Variants in RALGPS1 observed in about 807,000 individuals in gnomAD.
The protein encoded by RALGPS1 is ras-specific guanine nucleotide-releasing factor RalGPS1.
A neutral mutation model predicts 78.8 loss-of-function variants in RALGPS1; 19 were observed. The observed-to-expected ratio is 0.24, with a 90% CI of 0.17 to 0.35. RALGPS1 has a LOEUF of 0.35. Ranked by LOEUF, RALGPS1 falls within the 10% of genes least tolerant of loss-of-function variation. The pLI, the probability that RALGPS1 is intolerant of heterozygous loss-of-function variation, is 1.00. For missense variants in RALGPS1, 454 were observed against 688.3 expected (o/e 0.66, Z 3.81); for synonymous variants, 228 against 256.3 (o/e 0.89, Z 1.06).
At chr9:126,969,586 A>G (rs900501119) in intron 3 of RALGPS1, among the ~76,000 whole-genome samples, 11 of 152,236 alleles carry the variant, frequency 7.2e-5, no homozygotes, top group South Asian at 2.1e-4. Context: ...CCTAGCTTCT[A>G]TGTTCTATTT....
intron 7 of RALGPS1, among the ~76,000 whole-genome samples, chr9:127,064,147 C>G (rs940964436): frequency 6.6e-6 from 1 of 152,202 alleles, no homozygotes; most frequent in Non-Finnish European, 1.5e-5. Context: ...AGAAGTGAAG[C>G]TAGACTTAGT....
chr9:126,969,857 C>A (rs927047550), intron 3 of RALGPS1, among the ~76,000 whole-genome samples: 1 of 152,140 alleles, frequency 6.6e-6, no homozygotes, highest in Non-Finnish European at 1.5e-5. Flanking sequence ...ATGGTGAATA[C>A]TTTTTGAGAA....
chr9:127,099,241 T>C (rs959103085), intron 8 of RALGPS1, among the ~76,000 whole-genome samples: 1 of 152,162 alleles, frequency 6.6e-6, no homozygotes, highest in African/African-American at 2.4e-5. Context: ...GGGCTCTTGG[T>C]TCTGGGAAGT....
At chr9:127,056,286 G>A (rs1003679517) in intron 7 of RALGPS1, among the ~76,000 whole-genome samples, 4 of 152,194 alleles carry the variant, frequency 2.6e-5, no homozygotes, top group Non-Finnish European at 4.4e-5. Context: ...TGGTTACAGA[G>A]AGCCACTTAC....
At chr9:127,177,887 T>A in intron 11 of RALGPS1, 1 of 1,549,290 alleles carries the variant, frequency 6.5e-7, no homozygotes, top group Middle Eastern at 1.7e-4. Context: ...TTGGCTCTGT[T>A]GTTTATTAGC....
At chr9:126,951,846 AG>A (rs1286523978) in intron 1 of RALGPS1, among the ~76,000 whole-genome samples, 7 of 152,182 alleles carry the variant, frequency 4.6e-5, no homozygotes, top group Non-Finnish European at 1.0e-4. Context: ...AAAGAAATAA[AG>A]GGTATTCAAT....
At chr9:127,163,532 T>C (rs148988573) in intron 8 of RALGPS1, among the ~76,000 whole-genome samples, 1 of 152,336 alleles carries the variant, frequency 6.6e-6, no homozygotes, top group East Asian at 1.9e-4. Context: ...TTCTGTGATT[T>C]AACAGTTTCC....
chr9:126,968,578 T>G (rs1269560284), intron 3 of RALGPS1, among the ~76,000 whole-genome samples: 1 of 152,210 alleles, frequency 6.6e-6, no homozygotes, highest in East Asian at 1.9e-4. Flanking sequence ...CTTTATAAAT[T>G]AGGTATAATT....
At chr9:126,965,192 T>C (rs1182291870) in intron 2 of RALGPS1, among the ~76,000 whole-genome samples, 1 of 152,208 alleles carries the variant, frequency 6.6e-6, no homozygotes, top group Non-Finnish European at 1.5e-5. Context: ...CTACTAAATA[T>C]AACTTTCACA....
chr9:127,195,118 G>A lies in RALGPS1; in HGVS notation c.938G>A (p.Arg313Lys). ...AGPSAGSGSARFSRRPTCPDT... is the reference protein window; with the variant it reads ...AGPSAGSGSAKFSRRPTCPDT... ...CCCTCTGCTGGCTCCGGTTCTGCGA[G>A]GTTCAGCCGGAGGCCCACCTGTCCT... The change falls in exon 12 of 19, where the codon AGG becomes AAG. Residue 313 changes from arginine to lysine, a missense_variant. Physicochemically the swap from Arg to Lys is conservative, Grantham distance 26. Transcript: ENST00000259351. The A allele has an allele frequency of 6.2e-7, 1 of 1,613,482 alleles. No individual in the cohort carries two copies. The highest frequency in any genetic ancestry group is 1.1e-5 in the South Asian group (1 of 91,072).
At position 127,093,936 on chromosome 9, in the gene RALGPS1, C is replaced by T. The variant is rs1442355713; in HGVS notation, c.610+24580C>T. 3.1e-6 allele frequency: 5 copies of T among 1,612,978 alleles called. No individual in the cohort carries two copies. The Admixed American group carries it at 8.3e-5, about 27-fold the overall frequency. On this transcript the variant is annotated intron_variant, in intron 8 of 18. Transcript: ENST00000259351. ...CAGTCTCTCCATGGGCCTGGGGACA[C>T]AGACATGCATATACATCACAGACCT... is the stretch of plus-strand genomic sequence containing the variant.
Position 126,960,903 on chromosome 9 carries a change from A to T in RALGPS1, c.-65-1322A>T, listed in dbSNP as rs115108002. 2.1e-3 allele frequency among the ~76,000 whole-genome samples: 323 copies of T among 151,828 alleles called. 1 individual carries two copies. The highest frequency in any genetic ancestry group is 7.5e-3 in the African/African-American group (311 of 41,410). ...TCAGCTGGTACTTCTGCCTCCCTCC[A>T]CTTCAGTGCCTGGGGAGTCTCTGTC... On this transcript the variant is annotated intron_variant, in intron 1 of 18. Coordinates refer to ENST00000259351, the MANE Select transcript of RALGPS1 (RefSeq NM_014636.3).
intron 11 of RALGPS1, among the ~76,000 whole-genome samples, chr9:127,184,894 G>A (rs3780325): frequency 0.18 from 27,436 of 152,150 alleles, 3,164 homozygotes; most frequent in East Asian, 0.45. Flanking sequence ...CCCTGTGAGC[G>A]GCAGCAGGGC....
intron 14 of RALGPS1, among the ~76,000 whole-genome samples, chr9:127,207,958 G>C (rs1388768800): frequency 1.3e-5 from 2 of 152,256 alleles, no homozygotes; most frequent in African/African-American, 4.8e-5. Flanking sequence ...GTGAACACTT[G>C]AGTCTCTATC....
intron 8 of RALGPS1, among the ~76,000 whole-genome samples, chr9:127,106,643 C>T (rs1170162194): frequency 6.6e-6 from 1 of 152,206 alleles, no homozygotes. Flanking sequence ...CGCCTGCTCT[C>T]AATCCTGCAC....
chr9:127,111,911 C>T (rs2054853601), intron 8 of RALGPS1, among the ~76,000 whole-genome samples: 1 of 152,210 alleles, frequency 6.6e-6, no homozygotes, highest in Non-Finnish European at 1.5e-5. Context: ...AGGGTATTAG[C>T]ATCACTACTT....
chr9:127,102,545 A>G (rs1337474475), intron 8 of RALGPS1, among the ~76,000 whole-genome samples: 2 of 152,164 alleles, frequency 1.3e-5, no homozygotes, highest in Non-Finnish European at 2.9e-5. Flanking sequence ...TAACAGTAAC[A>G]AGTTGATAGT....
intron 7 of RALGPS1, among the ~76,000 whole-genome samples, chr9:127,062,258 C>T (rs973043358): frequency 6.6e-6 from 1 of 152,034 alleles, no homozygotes; most frequent in African/African-American, 2.4e-5. Flanking sequence ...CCACCATGCC[C>T]GGCTAATTTT....
At chr9:127,199,109 T>C in intron 14 of RALGPS1, 43 bp downstream of exon 14, 1 of 1,587,582 alleles carries the variant, frequency 6.3e-7, no homozygotes, top group Non-Finnish European at 8.7e-7. Context: ...GGGGCGGTGC[T>C]CAGGGCTGAG....
Sources: allele counts gnomAD v4.1 joint callset (sites outside exome capture counted in the v4.1 genomes callset), GRCh38; gene constraint gnomAD v4.1.1; transcripts MANE v1.5; gene names NCBI Gene and HGNC (gene_info 2026-07-23, HGNC 2026-07-21).